Variants in GRM7 observed in about 807,000 individuals in gnomAD.
The protein encoded by GRM7 is metabotropic glutamate receptor 7.
A neutral mutation model predicts 84.5 loss-of-function variants in GRM7; 35 were observed. The observed-to-expected ratio is 0.41, with a 90% CI of 0.32 to 0.55. GRM7 has a LOEUF of 0.55. Ranked by LOEUF, GRM7 falls within the 20% of genes least tolerant of loss-of-function variation. The pLI is 0.19. For missense variants in GRM7, 1,003 were observed against 1,194.6 expected, an observed-to-expected ratio of 0.84 and a Z score of 2.36; for synonymous variants, 487 against 455.1, an observed-to-expected ratio of 1.07 and a Z score of -0.89.
Position 7,635,312 on chromosome 3 carries a change from G to A in GRM7, c.2452-44737G>A, listed in dbSNP as rs375627180. Among the ~76,000 whole-genome samples, 29 of 152,342 alleles carry A rather than the reference G, an allele frequency of 1.9e-4. No individual in the cohort carries two copies. The East Asian group carries it at 5.2e-3, about 27-fold the overall frequency. Reference sequence around the variant, plus strand: ...CAAAAAGTGGATTTGGAAGATGAACGTGGATTAAATCTCTCCTATGACTAA... The same window carrying A: ...CAAAAAGTGGATTTGGAAGATGAACATGGATTAAATCTCTCCTATGACTAA... On this transcript the variant is annotated intron_variant, in intron 8 of 9. Coordinates refer to ENST00000357716, the MANE Select transcript of GRM7 (RefSeq NM_000844.4).
At chr3:7,148,856 TA>T (rs1304628951) in intron 2 of GRM7, among the ~76,000 whole-genome samples, 11 of 152,148 alleles carry the variant, frequency 7.2e-5, no homozygotes, top group Non-Finnish European at 1.5e-4. Flanking sequence ...CGGGAGTAGC[TA>T]AAAAGCCAGC....
intron 2 of GRM7, among the ~76,000 whole-genome samples, chr3:7,253,986 C>T (rs1340085094): frequency 8.5e-5 from 13 of 152,156 alleles, no homozygotes; most frequent in Non-Finnish European, 5.9e-5. Flanking sequence ...ATGCATTCCA[C>T]GTGGATGGCT....
At chr3:7,371,337 A>T (rs1694123835) in intron 4 of GRM7, among the ~76,000 whole-genome samples, 2 of 152,204 alleles carry the variant, frequency 1.3e-5, no homozygotes, top group Admixed American at 1.3e-4. Flanking sequence ...CTAACCTAGG[A>T]GACGTAAAAA....
chr3:7,338,213 G>A (rs1701500128), intron 4 of GRM7, among the ~76,000 whole-genome samples: 1 of 151,802 alleles, frequency 6.6e-6, no homozygotes, highest in Non-Finnish European at 1.5e-5. Context: ...GATGGAGTTG[G>A]AGACCATTAT....
intron 2 of GRM7, among the ~76,000 whole-genome samples, chr3:7,287,046 C>T (rs570898189): frequency 1.4e-4 from 21 of 152,198 alleles, no homozygotes; most frequent in Non-Finnish European, 2.5e-4. Flanking sequence ...GATTCCTGGA[C>T]AGAAAAATTG....
chr3:7,289,931 A>C (rs1192608712), intron 2 of GRM7, among the ~76,000 whole-genome samples: 1 of 152,070 alleles, frequency 6.6e-6, no homozygotes, highest in Non-Finnish European at 1.5e-5. Context: ...TGGGTGCAGC[A>C]CACCAACATG....
intron 5 of GRM7, among the ~76,000 whole-genome samples, chr3:7,437,313 C>G (rs905341828): frequency 2.6e-5 from 4 of 151,862 alleles, no homozygotes; most frequent in African/African-American, 9.7e-5. Flanking sequence ...GTTTTTGCAC[C>G]CTCCTTTCTC....
intron 1 of GRM7, among the ~76,000 whole-genome samples, chr3:6,990,689 G>A (rs1694602149): frequency 6.6e-6 from 1 of 152,018 alleles, no homozygotes; most frequent in African/African-American, 2.4e-5. Flanking sequence ...TCTCCAATTA[G>A]TACCTCATTC....
At chr3:6,962,137 CTAG>C in intron 1 of GRM7, among the ~76,000 whole-genome samples, 1 of 152,200 alleles carries the variant, frequency 6.6e-6, no homozygotes, top group Non-Finnish European at 1.5e-5. Flanking sequence ...ACCATATGAG[CTAG>C]ATCTCCCTTA....
At chr3:7,534,730 T>C (rs1701176095) in intron 7 of GRM7, among the ~76,000 whole-genome samples, 1 of 152,154 alleles carries the variant, frequency 6.6e-6, no homozygotes, top group Admixed American at 6.6e-5. Flanking sequence ...CTCCTTATCT[T>C]TACAGAGTAT....
intron 5 of GRM7, among the ~76,000 whole-genome samples, chr3:7,441,783 G>T (rs1697299313): frequency 6.6e-6 from 1 of 152,072 alleles, no homozygotes. Flanking sequence ...AGATCAGATG[G>T]CTGTAAGTGT....
At chr3:7,326,142 G>T (rs976660549) in intron 4 of GRM7, among the ~76,000 whole-genome samples, 12 of 136,954 alleles carry the variant, frequency 8.8e-5, no homozygotes, top group African/African-American at 2.7e-4. Flanking sequence ...GTAATTAAAG[G>T]TATCAACATC....
intron 7 of GRM7, among the ~76,000 whole-genome samples, chr3:7,523,528 G>C (rs1284829280): frequency 2.0e-5 from 3 of 152,122 alleles, no homozygotes; most frequent in African/African-American, 7.2e-5. Flanking sequence ...GTGGATCAAA[G>C]GCCAGGGCTA....
intron 8 of GRM7, among the ~76,000 whole-genome samples, chr3:7,608,712 A>G (rs1696708845): frequency 1.3e-5 from 2 of 152,006 alleles, no homozygotes; most frequent in Admixed American, 6.6e-5. Flanking sequence ...GAAGCTTTTC[A>G]GTTTAATTAG....
At chr3:7,646,460 T>C (rs1698644725) in intron 8 of GRM7, among the ~76,000 whole-genome samples, 1 of 152,008 alleles carries the variant, frequency 6.6e-6, no homozygotes, top group African/African-American at 2.4e-5. Flanking sequence ...CCAAAGTGCT[T>C]GGATTACAGA....
In GRM7 at chr3:7,179,054, G is replaced by A. The variant is rs138246062; in HGVS notation, c.736+32386G>A. On this transcript the variant is annotated intron_variant, in intron 2 of 9. Transcript: ENST00000357716. ...CTGGGAGGTGGAAGTTGCAGTGAGC[G>A]GAGATTGTGCCACTGCACTCTAGCC... Among the ~76,000 whole-genome samples, 1,434 of 152,144 alleles carry A rather than the reference G, an allele frequency of 9.4e-3. 15 individuals are homozygous for A. Among genetic ancestry groups the A allele is most frequent in the Middle Eastern group, 0.024 (7 of 294 alleles).
At chr3:7,550,589 G>C (rs1002939398) in intron 7 of GRM7, among the ~76,000 whole-genome samples, 1 of 138,876 alleles carries the variant, frequency 7.2e-6, no homozygotes. Context: ...GTGTGTGTGT[G>C]TGTGTGTGTG....
chr3:7,552,205 A>G (rs985832471), intron 7 of GRM7, among the ~76,000 whole-genome samples: 6 of 152,214 alleles, frequency 3.9e-5, no homozygotes, highest in Non-Finnish European at 5.9e-5. Context: ...TTTTGACTCC[A>G]TGTCTCACAT....
intron 4 of GRM7, among the ~76,000 whole-genome samples, chr3:7,386,215 T>C (rs1203699228): frequency 6.6e-6 from 1 of 152,240 alleles, no homozygotes; most frequent in Non-Finnish European, 1.5e-5. Context: ...TAAAAACTTA[T>C]TAATTATACC....
Sources: allele counts gnomAD v4.1 joint callset (sites outside exome capture counted in the v4.1 genomes callset), GRCh38; gene constraint gnomAD v4.1.1; transcripts MANE v1.5; gene names NCBI Gene and HGNC (gene_info 2026-07-23, HGNC 2026-07-21).